The following ATP13A3 variants were observed in gnomAD, a reference collection of about 807,000 sequenced individuals.
ATP13A3 encodes ATPase 13A3.
In ATP13A3, 59 loss-of-function variants were observed where a neutral mutation model predicts 158.1. The observed-to-expected ratio is 0.37, with a 90% CI of 0.30 to 0.46. The LOEUF (loss-of-function observed/expected upper bound fraction) is 0.46, where lower values mean the gene tolerates loss of function less well. Among genes scored for constraint, ATP13A3 ranks in the 20% least tolerant of loss-of-function variants. The probability of loss-of-function intolerance (pLI) is 1.00; values close to 1 mark genes in which losing one functional copy is unlikely to be tolerated. For synonymous variants in ATP13A3, 491 were observed against 504.3 expected, an observed-to-expected ratio of 0.97 and a Z score of 0.35; for missense variants, 1,166 against 1,525.2, an observed-to-expected ratio of 0.76 and a Z score of 3.92.
rs1714910329 is a variant in ATP13A3 at position 194,406,118 on chromosome 3, T to TA, written c.3574-3dup. ...TTTTCCCCACCGATCCACTGACTCC[T>TA]AAGAAAATAAGAAAAAAACAAAACA... On this transcript the variant is annotated splice_polypyrimidine_tract_variant and splice_region_variant and intron_variant, in intron 33 of 33. Coordinates refer to ENST00000645319, the MANE Select transcript of ATP13A3 (RefSeq NM_001367549.1). The TA allele has an allele frequency of 1.4e-5, 23 of 1,613,246 alleles. No individual in the cohort carries two copies. The highest frequency in any genetic ancestry group is 1.9e-5 in the Non-Finnish European group (23 of 1,179,834).
At position 194,448,662 on chromosome 3, in the gene ATP13A3, A is replaced by T. The variant is rs546931528; in HGVS notation, c.971-26T>A. The T allele has an allele frequency of 1.9e-6, 3 of 1,589,930 alleles. No individual in the cohort carries two copies. Among genetic ancestry groups the T allele is most frequent in the Non-Finnish European group, 2.6e-6 (3 of 1,168,528 alleles). ...CTTTAAAAAACAACAACAACAACAA[A>T]AACAGTTTACAAATTATTAAACGAA... On this transcript the variant is annotated intron_variant, in intron 11 of 33. Transcript: ENST00000645319. The surrounding 1 kb of genome is among the most constrained non-coding windows in gnomAD (Gnocchi z 4.0).
chr3:194,439,437 T>A (rs566119801), intron 16 of ATP13A3, among the ~76,000 whole-genome samples: 1 of 152,340 alleles, frequency 6.6e-6, no homozygotes, highest in East Asian at 1.9e-4. Flanking sequence ...AGCACAAAGA[T>A]ATGAGTTTAG....
intron 8 of ATP13A3, 121 bp downstream of exon 8, chr3:194,455,772 A>C (rs1193959332): frequency 1.5e-6 from 1 of 686,428 alleles, no homozygotes; most frequent in Non-Finnish European, 2.5e-6. Flanking sequence ...TTACCTTCCA[A>C]GTAAAAATAT....
intron 10 of ATP13A3, chr3:194,452,102 C>A (rs1483609555): frequency 6.6e-6 from 1 of 152,382 alleles, no homozygotes; most frequent in Non-Finnish European, 1.5e-5. Flanking sequence ...TGCCAGTAAT[C>A]CCAGCACTCT....
rs780917345 is a variant in ATP13A3 at position 194,412,187 on chromosome 3, C to A, written c.3573+12G>T. The A allele has an allele frequency of 2.0e-4, 313 of 1,534,600 alleles. No individual in the cohort carries two copies. The highest frequency in any genetic ancestry group is 2.6e-4 in the Non-Finnish European group (293 of 1,145,590). On this transcript the variant is annotated intron_variant, in intron 33 of 33. Coordinates refer to ENST00000645319, the MANE Select transcript of ATP13A3 (RefSeq NM_001367549.1). ...AGGCAGCAAGAATTGACAGGAAGTG[C>A]TGAGTTCCAACCTGCGGTGGCTGTG...
chr3:194,437,179 GTGAAGTC>G lies in ATP13A3; in HGVS notation c.2029_2035del (p.Asp677LeufsTer7). 1 of 1,613,994 alleles carries G rather than the reference GTGAAGTC, an allele frequency of 6.2e-7. No individual in the cohort carries two copies. The highest frequency in any genetic ancestry group is 8.5e-7 in the Non-Finnish European group (1 of 1,179,894). ...AGCAATCACACGGAAGCCCTGTTTA[GTGAAGTC>G]TTCCAAAACGTTTTGAAAATCGACA... is the stretch of plus-strand genomic sequence containing the variant. On this transcript the variant is annotated frameshift_variant, in exon 20 of 34. Transcript: ENST00000645319. LOFTEE classifies it high-confidence loss of function.
At chr3:194,452,940 AG>A (rs1337043293) in intron 10 of ATP13A3, 2 of 152,220 alleles carry the variant, frequency 1.3e-5, no homozygotes, top group African/African-American at 4.8e-5. Context: ...GCTACATAGA[AG>A]AAAAATACAA....
In ATP13A3 at chr3:194,494,307, T is replaced by C. The variant is rs920455969; in HGVS notation, n.516-27A>G. The C allele has an allele frequency of 2.5e-6, 1 of 398,532 alleles. No individual in the cohort carries two copies. Among genetic ancestry groups the C allele is most frequent in the Non-Finnish European group, 4.4e-6 (1 of 226,034 alleles). 24.7% of individuals were successfully genotyped at this position (398,532 alleles called of 1,614,324 possible). Reference sequence around the variant, plus strand: ...TGAGTAAGTGGAGAACAAGTTAACATTGATTTTCACAACCACGATGTCAGA... The same window carrying C: ...TGAGTAAGTGGAGAACAAGTTAACACTGATTTTCACAACCACGATGTCAGA... On this transcript the variant is annotated intron_variant and non_coding_transcript_variant, in intron 1 of 32. Coordinates refer to the ATP13A3 transcript ENST00000687055. The surrounding 1 kb of genome is among the most constrained non-coding windows in gnomAD (Gnocchi z 4.2).
chr3:194,459,583 C>A, intron 5 of ATP13A3, 42 bp from the exon 6 acceptor site: 3 of 1,482,714 alleles, frequency 2.0e-6, no homozygotes, highest in South Asian at 2.3e-5. Flanking sequence ...AGCATATAAT[C>A]ACTTGTGATA....
Position 194,427,159 on chromosome 3 carries a change from A to C in ATP13A3, c.3041T>G (p.Ile1014Ser), listed in dbSNP as rs201518494. The C allele has an allele frequency of 8.0e-5, 129 of 1,613,940 alleles. No individual in the cohort carries two copies. The African/African-American group carries it at 1.5e-3, about 19-fold the overall frequency. ...GALLFSVLSQ[I>S]IICIGFQSLG... is the part of the protein sequence containing the mutation. ...AGATTGAAATCCAATGCAGATGATA[A>C]TCTGAGACAAAACGGAGAAGAGAAG... Residue 1014 changes from isoleucine to serine, a missense_variant, in exon 29 of 34, where the codon ATT becomes AGT. Coordinates refer to ENST00000645319, the MANE Select transcript of ATP13A3 (RefSeq NM_001367549.1).
chr3:194,468,688 G>C (rs1436242392), intron 2 of ATP13A3, among the ~76,000 whole-genome samples: 5 of 152,118 alleles, frequency 3.3e-5, no homozygotes, highest in Non-Finnish European at 5.9e-5. Context: ...GGAGAGTGTT[G>C]AATTTTTTTA....
At chr3:194,446,901 G>T in intron 14 of ATP13A3, 26 bp downstream of exon 14, 1 of 1,550,858 alleles carries the variant, frequency 6.4e-7, no homozygotes. Context: ...AGTAACCTTT[G>T]AAAGTAACTA....
rs1262275832 is a variant in ATP13A3, at chr3:194,425,536, C to A, written c.3126-7G>T. On this transcript the variant is annotated splice_polypyrimidine_tract_variant and splice_region_variant and intron_variant, in intron 29 of 33. Coordinates refer to ENST00000645319, the MANE Select transcript of ATP13A3 (RefSeq NM_001367549.1). The stretch of plus-strand genomic sequence containing the variant: ...TCCTGTTGTATTACAAGCACTAGAA[C>A]ACATGCAAAAAATGTCTGCATTAGT... The A allele has an allele frequency of 3.1e-6, 5 of 1,592,480 alleles. No individual in the cohort carries two copies. The highest frequency in any genetic ancestry group is 3.7e-5 in the Admixed American group (2 of 54,468).
intron 2 of ATP13A3, among the ~76,000 whole-genome samples, chr3:194,492,280 T>A (rs1721155492): frequency 6.6e-6 from 1 of 152,172 alleles, no homozygotes; most frequent in Non-Finnish European, 1.5e-5. Flanking sequence ...CTTCCCTTTT[T>A]TTCTTGCCTG....
chr3:194,460,157 T>C (rs1037809247), intron 4 of ATP13A3, among the ~76,000 whole-genome samples, 186 bp from the exon 5 acceptor site: 7 of 152,208 alleles, frequency 4.6e-5, no homozygotes, highest in Admixed American at 3.9e-4. Flanking sequence ...GTGCTTTCCA[T>C]TGCTCATGGT....
chr3:194,431,948 C>A, intron 21 of ATP13A3, 56 bp from the exon 22 acceptor site: 3 of 1,362,144 alleles, frequency 2.2e-6, no homozygotes, highest in South Asian at 3.1e-5. Flanking sequence ...GTGAACGTAT[C>A]AAACATGTAC....
At chr3:194,450,364 C>A in intron 10 of ATP13A3, 88 bp from the exon 11 acceptor site, 1 of 1,289,978 alleles carries the variant, frequency 7.8e-7, no homozygotes, top group Non-Finnish European at 1.1e-6. Flanking sequence ...GTCATCTGAT[C>A]TCAATAAGAA....
At chr3:194,441,717 T>C (rs1718064443) in intron 15 of ATP13A3, among the ~76,000 whole-genome samples, 1 of 152,018 alleles carries the variant, frequency 6.6e-6, no homozygotes, top group African/African-American at 2.4e-5. Flanking sequence ...TGGGATTTAA[T>C]ACCCACAAAA....
At chr3:194,414,670 T>C (rs1715687519) in intron 31 of ATP13A3, among the ~76,000 whole-genome samples, 1 of 152,118 alleles carries the variant, frequency 6.6e-6, no homozygotes, top group African/African-American at 2.4e-5. Context: ...AACAAATGGC[T>C]GGCTACGGAA....
Sources: gnomAD v4.1 joint callset for allele counts (sites outside exome capture counted in the v4.1 genomes callset) on GRCh38, gnomAD v4.1.1 for gene constraint, Gnocchi (gnomAD v3.1) non-coding constraint, MANE v1.5 for transcripts, NCBI Gene and HGNC (gene_info 2026-07-23, HGNC 2026-07-21) for gene names.